Variants in EXO1 observed in about 807,000 individuals in gnomAD.
EXO1 encodes exonuclease 1.
In EXO1, 69 loss-of-function variants were observed where a neutral mutation model predicts 84.5. The ratio of observed to expected loss-of-function variants is 0.82; its 90% CI spans 0.67 to 1.00. The LOEUF is 1.00. Ranked by LOEUF, EXO1 falls within the 50% of genes least tolerant of loss-of-function variation. The pLI is 0.00. For missense variants in EXO1, 1,045 were observed against 1,000.7 expected, an observed-to-expected ratio of 1.04 and a Z score of -0.60; for synonymous variants, 373 against 366.1, an observed-to-expected ratio of 1.02 and a Z score of -0.21.
chr1:241,880,166 T>TA (rs1333670563), intron 13 of EXO1, among the ~76,000 whole-genome samples: 1 of 152,188 alleles, frequency 6.6e-6, no homozygotes, highest in African/African-American at 2.4e-5. Context: ...AACACAGGTG[T>TA]GCATACTGGT....
chr1:241,855,469 C>T (rs191796873), intron 6 of EXO1, among the ~76,000 whole-genome samples: 1 of 152,224 alleles, frequency 6.6e-6, no homozygotes, highest in Non-Finnish European at 1.5e-5. Context: ...CTGAGCTAGA[C>T]GTAAAGATTC....
intron 11 of EXO1, among the ~76,000 whole-genome samples, chr1:241,867,847 C>T (rs374767583): frequency 1.2e-3 from 180 of 152,116 alleles, no homozygotes; most frequent in African/African-American, 4.1e-3. Flanking sequence ...TGAAGCGGGG[C>T]AGTGTAAGTC....
chr1:241,860,447 A>C, intron 8 of EXO1, 70 bp from the exon 9 acceptor site: 2 of 1,211,050 alleles, frequency 1.7e-6, no homozygotes, highest in Non-Finnish European at 2.5e-6. Context: ...AATGTAAATC[A>C]ATCAGCCTTG....
At position 241,853,346 on chromosome 1, in the gene EXO1, C is replaced by T; in HGVS notation, c.282-12C>T. 4 of 1,613,098 alleles carry T rather than the reference C, an allele frequency of 2.5e-6. No homozygotes were observed. The highest frequency in any genetic ancestry group is 3.4e-6 in the Non-Finnish European group (4 of 1,179,182). On this transcript the variant is annotated splice_polypyrimidine_tract_variant and intron_variant, in intron 5 of 15. Transcript: ENST00000366548. ...AAATGTTTTATATTTAAAAAATGTT[C>T]TTCCCTTGCAGAAGACGACAAGCCA...
intron 12 of EXO1, among the ~76,000 whole-genome samples, chr1:241,875,348 A>G (rs1400676010): frequency 6.6e-6 from 1 of 152,200 alleles, no homozygotes; most frequent in African/African-American, 2.4e-5. Context: ...AGCTTTGTCT[A>G]ACCATGATGA....
chr1:241,856,322 A>C (rs1326761109), intron 6 of EXO1, among the ~76,000 whole-genome samples: 1 of 147,628 alleles, frequency 6.8e-6, no homozygotes, highest in Non-Finnish European at 1.5e-5. Context: ...ATTTTCCCAT[A>C]GTTTAGAACA....
chr1:241,876,800 T>C (rs1168322428), intron 12 of EXO1, among the ~76,000 whole-genome samples: 2 of 152,190 alleles, frequency 1.3e-5, no homozygotes, highest in Admixed American at 6.5e-5. Flanking sequence ...AGATTCCTAG[T>C]CACAGTTGAT....
chr1:241,865,853 T>C (rs1661683004), intron 10 of EXO1, among the ~76,000 whole-genome samples: 1 of 152,234 alleles, frequency 6.6e-6, no homozygotes, highest in African/African-American at 2.4e-5. Context: ...GTTCCCTCAA[T>C]TAAATTACCT....
intron 15 of EXO1, among the ~76,000 whole-genome samples, chr1:241,886,342 C>T (rs192477558): frequency 7.9e-5 from 12 of 152,298 alleles, no homozygotes; most frequent in Non-Finnish European, 1.6e-4. Context: ...ATAATACTTC[C>T]TTCTGTTAGA....
At chr1:241,855,681 T>G (rs1436815446) in intron 6 of EXO1, among the ~76,000 whole-genome samples, 3 of 152,132 alleles carry the variant, frequency 2.0e-5, no homozygotes, top group Admixed American at 2.0e-4. Context: ...ACGGAGGGGG[T>G]GGGAGGCTCA....
intron 6 of EXO1, among the ~76,000 whole-genome samples, chr1:241,855,611 C>T (rs1271446974): frequency 8.5e-5 from 13 of 152,218 alleles, no homozygotes; most frequent in Admixed American, 8.5e-4. Context: ...GTGGATGAGA[C>T]TGGGCGCCGT....
Position 241,866,272 on chromosome 1 carries a change from C to A in EXO1, c.1042-558C>A, listed in dbSNP as rs1371192035. 2.6e-5 allele frequency among the ~76,000 whole-genome samples: 4 copies of A among 152,210 alleles called. No homozygotes were observed. The East Asian group carries it at 5.8e-4, about 22-fold the overall frequency. ...GGGATTACAGGCACACGCCACCACACCTGGCTAATTTTTGTACTTTTAGTA... is the reference window on the plus strand; with the variant it reads ...GGGATTACAGGCACACGCCACCACAACTGGCTAATTTTTGTACTTTTAGTA... On this transcript the variant is annotated intron_variant, in intron 10 of 15. Coordinates refer to ENST00000366548, the MANE Select transcript of EXO1 (RefSeq NM_130398.4).
At chr1:241,860,479 T>C in intron 8 of EXO1, 38 bp from the exon 9 acceptor site, 1 of 1,440,092 alleles carries the variant, frequency 6.9e-7, no homozygotes, top group Middle Eastern at 1.8e-4. Context: ...TTCCCTGTTC[T>C]TTAGTTGCAG....
chr1:241,887,365 A>G (rs764298875), intron 15 of EXO1, among the ~76,000 whole-genome samples: 1 of 152,144 alleles, frequency 6.6e-6, no homozygotes, highest in Non-Finnish European at 1.5e-5. Flanking sequence ...TGCACTTTTA[A>G]TGCATCTTTT....
intron 10 of EXO1, among the ~76,000 whole-genome samples, chr1:241,863,111 C>CTAA (rs907894008): frequency 3.9e-5 from 6 of 152,258 alleles, no homozygotes; most frequent in African/African-American, 1.4e-4. Flanking sequence ...AGAATGCTTC[C>CTAA]TAATAATAAT....
rs371681142 is a variant in EXO1, at chr1:241,857,305, A to G, written c.406-40A>G. On this transcript the variant is annotated intron_variant, in intron 6 of 15. Coordinates refer to ENST00000366548, the MANE Select transcript of EXO1 (RefSeq NM_130398.4). The stretch of plus-strand genomic sequence containing the variant: ...AACAGGAAGTTGTTTAGTACTTTCC[A>G]GATGCCGTGCTAGAGATTCACTGTG... 1.3e-4 allele frequency: 209 copies of G among 1,610,428 alleles called. 1 individual carries two copies. In the Middle Eastern group the frequency reaches 3.8e-3, roughly 29 times the overall value.
At position 241,882,001 on chromosome 1, in the gene EXO1, C is replaced by A. The variant is rs370369190; in HGVS notation, c.2195C>A (p.Thr732Lys). 1 of 1,527,624 alleles carries A rather than the reference C, an allele frequency of 6.5e-7. No homozygotes were observed. The highest frequency in any genetic ancestry group is 9.1e-7 in the Non-Finnish European group (1 of 1,102,840). The allele number at this position is 1,527,624 out of a possible 1,614,324, so 94.6% of individuals were successfully genotyped here. A position where few individuals can be genotyped will look rare whatever the true frequency, so the allele number is the denominator to read the frequency against. ...LRLSHFSKKD[T>K]PLRNKVPGLY... ...TTATCTCATTTCTCAAAAAAAGACACACCTCTAAGGAACAAGGTAAAACAT... is the reference window on the plus strand; with the variant it reads ...TTATCTCATTTCTCAAAAAAAGACAAACCTCTAAGGAACAAGGTAAAACAT... The change falls in exon 14 of 16, where the codon ACA becomes AAA. Residue 732 changes from threonine (T) to lysine (K), a missense_variant. Transcript: ENST00000366548.
At chr1:241,887,793 C>CGTG (rs543068329) in intron 15 of EXO1, among the ~76,000 whole-genome samples, 92 of 152,236 alleles carry the variant, frequency 6.0e-4, no homozygotes, top group Admixed American at 1.7e-3. Flanking sequence ...CGCCTGCCAC[C>CGTG]ATGCCTTACT....
At position 241,889,542 on chromosome 1, in the gene EXO1, A is replaced by G. The variant is rs1001293843; in HGVS notation, c.2483A>G (p.Glu828Gly). 1.9e-6 allele frequency: 3 copies of G among 1,613,840 alleles called. No individual in the cohort carries two copies. Among genetic ancestry groups the G allele is most frequent in the Non-Finnish European group, 2.5e-6 (3 of 1,179,856 alleles). Residue 828 changes from glutamate to glycine, a missense_variant, in exon 16 of 16, where the codon GAA (glutamate) becomes GGA (glycine). Glu to Gly is a moderately conservative substitution (Grantham distance 98, BLOSUM62 -2). Coordinates refer to ENST00000366548, the MANE Select transcript of EXO1 (RefSeq NM_130398.4). ...RDNIQLTPEA[E>G]EDIFNKPECG... is the part of the protein sequence containing the mutation. ...AACATCCAACTAACTCCAGAAGCGG[A>G]AGAGGATATATTTAACAAACCTGAA...
Sources: allele counts gnomAD v4.1 joint callset (sites outside exome capture counted in the v4.1 genomes callset), GRCh38; gene constraint gnomAD v4.1.1; transcripts MANE v1.5; gene names NCBI Gene and HGNC (gene_info 2026-07-23, HGNC 2026-07-21).